PCDH15: variants seen among roughly 807,000 people sequenced by gnomAD.
PCDH15 encodes the protein protocadherin related 15.
PCDH15 carries 129 observed loss-of-function variants against 178.5 expected under a neutral mutation model. That is an observed-to-expected ratio of 0.72 (90% CI 0.63 to 0.84). PCDH15 has a LOEUF of 0.84. Among genes scored for constraint, PCDH15 ranks in the 40% least tolerant of loss-of-function variants. PCDH15 has a pLI of 0.00. For synonymous variants in PCDH15, 800 were observed against 732.0 expected (o/e 1.09, Z -1.50); for missense variants, 2,230 against 2,099.9 (o/e 1.06, Z -1.21).
intron 3 of PCDH15, among the ~76,000 whole-genome samples, chr10:54,392,622 G>C (rs901932944): frequency 2.0e-5 from 3 of 151,770 alleles, no homozygotes; most frequent in Non-Finnish European, 4.4e-5. Context: ...TCTGTGGCCA[G>C]GCACGCTGGC....
intron 1 of PCDH15, among the ~76,000 whole-genome samples, chr10:55,266,048 T>C (rs569695899): frequency 1.3e-5 from 2 of 152,286 alleles, no homozygotes; most frequent in East Asian, 1.9e-4. Context: ...ACCACTCCCA[T>C]AGAAGGTTTA....
intron 29 of PCDH15, among the ~76,000 whole-genome samples, chr10:53,834,601 A>G (rs892707622): frequency 1.3e-5 from 2 of 151,476 alleles, no homozygotes; most frequent in African/African-American, 4.9e-5. Context: ...AGGGAAGGGT[A>G]TACAGGTCCC....
chr10:54,333,810 G>T (rs1435809107), intron 6 of PCDH15, among the ~76,000 whole-genome samples: 1 of 152,122 alleles, frequency 6.6e-6, no homozygotes, highest in Non-Finnish European at 1.5e-5. Flanking sequence ...GATGATTCAG[G>T]TTTTACTTTT....
At chr10:53,920,993 A>T (rs1191223074) in intron 25 of PCDH15, among the ~76,000 whole-genome samples, 1 of 152,114 alleles carries the variant, frequency 6.6e-6, no homozygotes, top group African/African-American at 2.4e-5. Context: ...TTTTTGCACA[A>T]ATTTTAGAAG....
chr10:55,043,400 A>T (rs545009390), intron 2 of PCDH15, among the ~76,000 whole-genome samples: 250 of 151,432 alleles, frequency 1.7e-3, no homozygotes, highest in Middle Eastern at 3.4e-3. Context: ...CTGTCTACAT[A>T]AAAAAACAGG....
In PCDH15 at chr10:54,623,640, G is replaced by A. The variant is rs539252415; in HGVS notation, c.91+40532C>T. On this transcript the variant is annotated intron_variant, in intron 2 of 37. Coordinates refer to ENST00000644397, the MANE Select transcript of PCDH15 (RefSeq NM_001384140.1). ...TGCCATATTTTGGGCTCTTCAAGCCGAGTCTCTTCTGGCTTGGAACACTAA... is the reference window on the plus strand; with the variant it reads ...TGCCATATTTTGGGCTCTTCAAGCCAAGTCTCTTCTGGCTTGGAACACTAA... Among the ~76,000 whole-genome samples the A allele has an allele frequency of 4.5e-4, 68 of 152,136 alleles. No homozygotes were observed. In the South Asian group the frequency reaches 0.012, roughly 28 times the overall value.
chr10:54,324,022 T>C (rs1374031934), intron 7 of PCDH15, among the ~76,000 whole-genome samples: 1 of 152,088 alleles, frequency 6.6e-6, no homozygotes, highest in Non-Finnish European at 1.5e-5. Flanking sequence ...TCAGTAAATA[T>C]TAGGTCCCAT....
chr10:54,411,596 C>A (rs549806399), intron 3 of PCDH15, among the ~76,000 whole-genome samples: 2 of 152,096 alleles, frequency 1.3e-5, no homozygotes, highest in African/African-American at 4.8e-5. Flanking sequence ...ACAGATATGT[C>A]TTTTTGCAGT....
At chr10:54,126,609 A>G (rs977919017) in intron 15 of PCDH15, among the ~76,000 whole-genome samples, 3 of 151,974 alleles carry the variant, frequency 2.0e-5, no homozygotes, top group Non-Finnish European at 4.4e-5. Flanking sequence ...TTAATTTAAT[A>G]TAATAAACTA....
chr10:54,153,605 T>C (rs193210680), intron 13 of PCDH15, among the ~76,000 whole-genome samples: 2 of 152,268 alleles, frequency 1.3e-5, no homozygotes, highest in East Asian at 3.9e-4. Context: ...TAACAGAAAA[T>C]CTAATATCCC....
intron 13 of PCDH15, among the ~76,000 whole-genome samples, chr10:54,177,718 G>A (rs191663029): frequency 1.2e-3 from 190 of 152,272 alleles, no homozygotes; most frequent in African/African-American, 4.1e-3. Context: ...ACTGCAAGGT[G>A]CCTATCCTGC....
chr10:54,947,823 A>C (rs1280158002), intron 2 of PCDH15, among the ~76,000 whole-genome samples: 1 of 151,834 alleles, frequency 6.6e-6, no homozygotes, highest in Non-Finnish European at 1.5e-5. Context: ...AATTCTATCA[A>C]TTTATTTCCC....
chr10:54,500,276 T>G (rs1201591891), intron 3 of PCDH15, among the ~76,000 whole-genome samples: 1 of 151,740 alleles, frequency 6.6e-6, no homozygotes, highest in Non-Finnish European at 1.5e-5. Context: ...ATGGGAACAA[T>G]AAAAACAAGG....
intron 2 of PCDH15, among the ~76,000 whole-genome samples, chr10:55,080,191 A>G (rs2132024554): frequency 6.6e-6 from 1 of 151,944 alleles, no homozygotes; most frequent in South Asian, 2.1e-4. Flanking sequence ...GGGGTTCCCA[A>G]CTCCTTGGCT....
intron 18 of PCDH15, among the ~76,000 whole-genome samples, chr10:54,058,507 G>T (rs1049974049): frequency 1.3e-5 from 2 of 152,044 alleles, no homozygotes; most frequent in African/African-American, 4.8e-5. Context: ...AGAAAGACCT[G>T]CCCTGATGAT....
chr10:54,052,346 G>C (rs2093795185), intron 18 of PCDH15, among the ~76,000 whole-genome samples: 1 of 152,210 alleles, frequency 6.6e-6, no homozygotes. Context: ...AAACCAAAGG[G>C]TTGAAGCTTC....
chr10:54,116,636 TAGA>T (rs1347255347), intron 15 of PCDH15, among the ~76,000 whole-genome samples: 1 of 152,154 alleles, frequency 6.6e-6, no homozygotes, highest in African/African-American at 2.4e-5. Flanking sequence ...AGCCCACAAT[TAGA>T]AGGTGTGTGT....
At chr10:54,943,366 C>T (rs1378270952) in intron 2 of PCDH15, among the ~76,000 whole-genome samples, 1 of 151,930 alleles carries the variant, frequency 6.6e-6, no homozygotes, top group Non-Finnish European at 1.5e-5. Flanking sequence ...TTTGTGATTA[C>T]AATGTGCTCA....
intron 2 of PCDH15, among the ~76,000 whole-genome samples, chr10:55,591,197 C>T (rs1842835918): frequency 6.6e-6 from 1 of 151,960 alleles, no homozygotes; most frequent in South Asian, 2.1e-4. Flanking sequence ...TGGTGGCTCA[C>T]ACCTGTCATC....
Sources: gnomAD v4.1 joint callset for allele counts (sites outside exome capture counted in the v4.1 genomes callset) on GRCh38, gnomAD v4.1.1 for gene constraint, MANE v1.5 for transcripts, NCBI Gene and HGNC (gene_info 2026-07-23, HGNC 2026-07-21) for gene names.